Variants in CCDC180 observed in about 807,000 individuals in gnomAD.
CCDC180 encodes the protein coiled-coil domain-containing protein 180.
Under a neutral mutation model 209.2 loss-of-function variants are expected in CCDC180, and 154 were observed. That is an observed-to-expected ratio of 0.74 (90% CI 0.65 to 0.84). The LOEUF (loss-of-function observed/expected upper bound fraction) is 0.84. Among genes scored for constraint, CCDC180 ranks in the 40% least tolerant of loss-of-function variants. The pLI, the probability that CCDC180 is intolerant of heterozygous loss-of-function variation, is 0.00. For synonymous variants in CCDC180, 778 were observed against 749.1 expected (o/e 1.04, Z -0.63); for missense variants, 1,874 against 1,997.3 (o/e 0.94, Z 1.18).
chr9:97,350,526 C>T lies in CCDC180; in HGVS notation c.2973C>T (p.Tyr991=). ...YLEESLGKLR[Y]SNIEFIKHCR... ...AGGAGAGTCTGGGCAAACTCCGCTA[C>T]TCAAATATTGAGTTCATCAAACACT... Residue 991 remains tyrosine, a synonymous_variant, in exon 22 of 37, where the codon TAC becomes TAT. Coordinates refer to ENST00000529487, the MANE Select transcript of CCDC180 (RefSeq NM_020893.6). The T allele has an allele frequency of 2.0e-6, 3 of 1,536,516 alleles. No individual in the cohort carries two copies. Among genetic ancestry groups the T allele is most frequent in the African/African-American group, 2.7e-5 (2 of 73,168 alleles).
At chr9:97,323,033 AC>A in intron 12 of CCDC180, 112 bp downstream of exon 12, 1 of 742,372 alleles carries the variant, frequency 1.3e-6, no homozygotes, top group Non-Finnish European at 2.3e-6. Flanking sequence ...CCCACTTCAC[AC>A]CCACACACCC....
chr9:97,318,313 G>T, intron 9 of CCDC180, 150 bp from the exon 10 acceptor site: 1 of 753,768 alleles, frequency 1.3e-6, no homozygotes, highest in Non-Finnish European at 2.0e-6. Context: ...TCCTAGAGAA[G>T]AGGCAAAGTC....
In CCDC180 at chr9:97,371,720, C is replaced by T. The variant is rs1416473743; in HGVS notation, c.4600+14C>T. 10 of 1,552,854 alleles carry T rather than the reference C, an allele frequency of 6.4e-6. No homozygotes were observed. The highest frequency in any genetic ancestry group is 8.9e-6 in the Non-Finnish European group (10 of 1,129,336). ...TCCAGGTTGCAAGTAAGAGGCACCA[C>T]CAGCCTTGTGTCATGGCCCTGGGGG... On this transcript the variant is annotated intron_variant, in intron 34 of 36. Transcript: ENST00000529487.
At chr9:97,324,177 T>C (rs1436566274) in intron 13 of CCDC180, among the ~76,000 whole-genome samples, 1 of 152,138 alleles carries the variant, frequency 6.6e-6, no homozygotes, top group Non-Finnish European at 1.5e-5. Context: ...TGAAGGGCTG[T>C]GGAGGCACAA....
At chr9:97,324,938 A>AG in intron 13 of CCDC180, 81 bp from the exon 14 acceptor site, 1 of 1,338,582 alleles carries the variant, frequency 7.5e-7, no homozygotes, top group Non-Finnish European at 1.0e-6. Context: ...CGTTAGAGAC[A>AG]GGGGGTCCCA....
intron 34 of CCDC180, 154 bp from the exon 35 acceptor site, chr9:97,374,389 A>G: frequency 1.6e-6 from 1 of 611,304 alleles, no homozygotes; most frequent in Non-Finnish European, 2.9e-6. Context: ...TGGCTGGTGC[A>G]TTCAGCTTCT....
intron 28 of CCDC180, 47 bp from the exon 29 acceptor site, chr9:97,364,003 TG>T (rs754691563): frequency 1.9e-6 from 3 of 1,575,820 alleles, no homozygotes; most frequent in Non-Finnish European, 2.6e-6. Context: ...AGACCTGCCT[TG>T]CGTCTGTCCA....
intron 22 of CCDC180, among the ~76,000 whole-genome samples, chr9:97,351,251 C>T (rs571922752): frequency 3.9e-5 from 6 of 152,286 alleles, no homozygotes; most frequent in East Asian, 3.9e-4. Flanking sequence ...ACAGCAGCTG[C>T]GCCATGTTCA....
chr9:97,332,893 C>T (rs1205796880), intron 18 of CCDC180, among the ~76,000 whole-genome samples: 1 of 152,156 alleles, frequency 6.6e-6, no homozygotes, highest in African/African-American at 2.4e-5. Context: ...CTGCCCAGGG[C>T]TTCCAATACT....
intron 18 of CCDC180, among the ~76,000 whole-genome samples, chr9:97,336,667 G>A (rs1488501607): frequency 2.6e-5 from 4 of 151,732 alleles, no homozygotes; most frequent in Non-Finnish European, 5.9e-5. Flanking sequence ...GCTCCATATA[G>A]ACTTTAAAGT....
Position 97,366,842 on chromosome 9 carries a change from T to G in CCDC180, c.4189+142T>G. 1 of 847,202 alleles carries G rather than the reference T, an allele frequency of 1.2e-6. No homozygotes were observed. The highest frequency in any genetic ancestry group is 1.7e-6 in the Non-Finnish European group (1 of 581,924). 52.5% of individuals were successfully genotyped at this position (847,202 alleles called of 1,614,324 possible). A position where few individuals can be genotyped will look rare whatever the true frequency, so the allele number is the denominator to read the frequency against. ...CCTGTGAAAAGCTGACCTCTTAAAA[T>G]TAGGTAAAAACAATAATCAGATTTT... On this transcript the variant is annotated intron_variant, in intron 31 of 36. Coordinates refer to ENST00000529487, the MANE Select transcript of CCDC180 (RefSeq NM_020893.6). The surrounding 1 kb of genome is among the most constrained non-coding windows in gnomAD (Gnocchi z 4.3).
intron 27 of CCDC180, 110 bp from the exon 28 acceptor site, chr9:97,362,086 A>G: frequency 1.4e-6 from 2 of 1,464,818 alleles, no homozygotes; most frequent in South Asian, 2.7e-5. Context: ...GGCTCGTGAC[A>G]GGACTGACTG....
At chr9:97,335,783 C>T (rs568991021) in intron 18 of CCDC180, among the ~76,000 whole-genome samples, 47 of 152,326 alleles carry the variant, frequency 3.1e-4, no homozygotes, top group African/African-American at 1.1e-3. Context: ...AACTAGTTTA[C>T]ACTCCCACCA....
chr9:97,360,423 C>T (rs1421554642), intron 26 of CCDC180, among the ~76,000 whole-genome samples: 1 of 152,134 alleles, frequency 6.6e-6, no homozygotes, highest in Admixed American at 6.5e-5. Context: ...TTCCTTCCCA[C>T]CTGCACCCAG....
chr9:97,307,918 G>A, intron 1 of CCDC180, 65 bp from the exon 2 acceptor site: 2 of 1,580,750 alleles, frequency 1.3e-6, no homozygotes, highest in Middle Eastern at 1.7e-4. Context: ...GTGCCGCCTC[G>A]AGGCCAGACG....
At chr9:97,359,898 C>T (rs761368460) in intron 25 of CCDC180, 84 bp from the exon 26 acceptor site, 1 of 1,551,700 alleles carries the variant, frequency 6.4e-7, no homozygotes, top group Non-Finnish European at 8.8e-7. Context: ...TCAGCCCAGC[C>T]CCTGTTCCCG....
intron 12 of CCDC180, 115 bp from the exon 13 acceptor site, chr9:97,323,666 C>T: frequency 8.0e-7 from 1 of 1,247,400 alleles, no homozygotes; most frequent in Non-Finnish European, 1.1e-6. Context: ...GGGTGCAGGG[C>T]CCTTCACCTG....
intron 19 of CCDC180, among the ~76,000 whole-genome samples, chr9:97,346,576 A>C (rs1826266962): frequency 6.6e-6 from 1 of 152,244 alleles, no homozygotes; most frequent in Admixed American, 6.5e-5. Flanking sequence ...AGAAATGGGC[A>C]AACGACATTC....
intron 15 of CCDC180, 151 bp from the exon 16 acceptor site, chr9:97,327,869 A>T: frequency 2.5e-6 from 2 of 796,938 alleles, no homozygotes; most frequent in South Asian, 4.3e-5. Flanking sequence ...TCGTATGATC[A>T]GAAAAATAGC....
Sources: gnomAD v4.1 joint callset for allele counts (sites outside exome capture counted in the v4.1 genomes callset) on GRCh38, gnomAD v4.1.1 for gene constraint, Gnocchi (gnomAD v3.1) non-coding constraint, MANE v1.5 for transcripts, NCBI Gene and HGNC (gene_info 2026-07-23, HGNC 2026-07-21) for gene names.